The following SIGLEC15 variants were observed in gnomAD, a reference collection of about 807,000 sequenced individuals.
SIGLEC15 encodes sialic acid-binding Ig-like lectin 15.
Under a neutral mutation model 26.2 loss-of-function variants are expected in SIGLEC15, and 31 were observed. The observed-to-expected ratio is 1.18, with a 90% CI of 0.89 to 1.60. The LOEUF is 1.60. Among genes scored for constraint, SIGLEC15 ranks in the 40% most tolerant of loss-of-function variants. The probability of loss-of-function intolerance (pLI) is 0.00; values close to 1 mark genes in which losing one functional copy is unlikely to be tolerated. For missense variants in SIGLEC15, 501 were observed against 488.4 expected (o/e 1.03, Z -0.24); for synonymous variants, 207 against 221.9 (o/e 0.93, Z 0.60).
At chr18:45,835,853 G>C (rs1450910552) in intron 1 of SIGLEC15, among the ~76,000 whole-genome samples, 1 of 152,180 alleles carries the variant, frequency 6.6e-6, no homozygotes, top group Non-Finnish European at 1.5e-5. Context: ...CTACAATGAA[G>C]GAAGAGGACA....
chr18:45,837,527 C>T lies in SIGLEC15; in HGVS notation c.127C>T (p.Arg43Cys). The change falls in exon 3 of 6, where the codon CGC (arginine) becomes TGC (cysteine). Residue 43 changes from arginine to cysteine, a missense_variant. Arg to Cys is a radical substitution (Grantham distance 180, BLOSUM62 -3). Coordinates refer to ENST00000389474, the MANE Select transcript of SIGLEC15 (RefSeq NM_213602.3). ...CCCGCCCTCAGGCTCGCCAGCGCAG[C>T]GCTGGTCCATGCAGGTGCCACCCGA... ...NTEVHSSPAQ[R>C]WSMQVPPEVS... 6.6e-7 allele frequency: 1 copy of T among 1,516,370 alleles called. No individual in the cohort carries two copies. Among genetic ancestry groups the T allele is most frequent in the Non-Finnish European group, 8.8e-7 (1 of 1,139,572 alleles). 93.9% of individuals were successfully genotyped at this position (1,516,370 alleles called of 1,614,324 possible).
chr18:45,833,701 G>T (rs1462952099), intron 1 of SIGLEC15, among the ~76,000 whole-genome samples: 1 of 152,190 alleles, frequency 6.6e-6, no homozygotes, highest in Admixed American at 6.5e-5. Context: ...TTCTCAAAAA[G>T]AGTTTACTGC....
At chr18:45,828,735 C>A (rs917247014) in intron 1 of SIGLEC15, among the ~76,000 whole-genome samples, 62 of 152,236 alleles carry the variant, frequency 4.1e-4, no homozygotes, top group African/African-American at 1.4e-3. Context: ...CCCGCACCCT[C>A]CTGCAGTGGG....
chr18:45,841,445 T>C (rs1461441708), intron 5 of SIGLEC15, among the ~76,000 whole-genome samples: 4 of 151,960 alleles, frequency 2.6e-5, no homozygotes, highest in East Asian at 1.9e-4. Flanking sequence ...GTGGGTGCAA[T>C]GGGAAGTCAC....
At chr18:45,830,993 T>C (rs1271386124) in intron 1 of SIGLEC15, among the ~76,000 whole-genome samples, 1 of 152,194 alleles carries the variant, frequency 6.6e-6, no homozygotes, top group Non-Finnish European at 1.5e-5. Flanking sequence ...AATGTCACCT[T>C]AGTAAACATC....
rs774025905 is a variant in SIGLEC15 at position 45,825,695 on chromosome 18, C to T, written c.-34C>T. On this transcript the variant is annotated 5_prime_UTR_variant, in exon 1 of 6. Coordinates refer to ENST00000389474, the MANE Select transcript of SIGLEC15 (RefSeq NM_213602.3). ...CCCTCACTGGGGAGGTGGCCGAGAG[C>T]GGGTCTGGCCTGGGGTGTTCAGATG... 15 of 1,608,718 alleles carry T rather than the reference C, an allele frequency of 9.3e-6. 1 individual carries two copies. The highest frequency in any genetic ancestry group is 6.6e-5 in the South Asian group (6 of 90,970).
At chr18:45,830,814 G>A (rs1312448992) in intron 1 of SIGLEC15, among the ~76,000 whole-genome samples, 1 of 147,352 alleles carries the variant, frequency 6.8e-6, no homozygotes, top group East Asian at 2.0e-4. Context: ...TGGCCAGGCT[G>A]GTCTTGAATT....
At position 45,840,158 on chromosome 18, in the gene SIGLEC15, G is replaced by A. The variant is rs114831310; in HGVS notation, c.875-53G>A. On this transcript the variant is annotated intron_variant, in intron 4 of 5. Transcript: ENST00000389474. ...GGCATGGGTGGGGGTGGGCGCACAG[G>A]CTGCAGACTGCGGTGGAGATTCATG... 1,159 of 1,604,694 alleles carry A rather than the reference G, an allele frequency of 7.2e-4. 11 individuals carry two copies. The African/African-American group carries it at 0.014, about 19-fold the overall frequency.
At position 45,837,562 on chromosome 18, in the gene SIGLEC15, G is replaced by A; in HGVS notation, c.162G>A (p.Ala54=). ...WSMQVPPEVS[A]EAGDAAVLPC... ...TGCAGGTGCCACCCGAGGTGAGCGC[G>A]GAGGCAGGCGACGCGGCAGTGCTGC... is the stretch of plus-strand genomic sequence containing the variant. The change falls in exon 3 of 6, where the codon GCG becomes GCA. Residue 54 remains alanine, a synonymous_variant. Coordinates refer to ENST00000389474, the MANE Select transcript of SIGLEC15 (RefSeq NM_213602.3). The A allele has an allele frequency of 6.6e-7, 1 of 1,516,302 alleles. No homozygotes were observed. Among genetic ancestry groups the A allele is most frequent in the Non-Finnish European group, 8.8e-7 (1 of 1,139,532 alleles). The allele number at this position is 1,516,302 out of a possible 1,614,324, so 93.9% of individuals were successfully genotyped here.
Position 45,837,865 on chromosome 18 carries a change from G to T in SIGLEC15, c.465G>T (p.Glu155Asp). 6.5e-7 allele frequency: 1 copy of T among 1,533,280 alleles called. No individual in the cohort carries two copies. Among genetic ancestry groups the T allele is most frequent in the South Asian group, 1.2e-5 (1 of 84,016 alleles). The allele number at this position is 1,533,280 out of a possible 1,614,324, so 95.0% of individuals were successfully genotyped here. The change falls in exon 3 of 6, where the codon GAG becomes GAT. Residue 155 changes from glutamate (E) to aspartate (D), a missense_variant. Glu to Asp is a conservative substitution (Grantham distance 45, BLOSUM62 2). Coordinates refer to ENST00000389474, the MANE Select transcript of SIGLEC15 (RefSeq NM_213602.3). ...EFAGDVHDRY[E>D]SRHGVRLHVT... ...CCGGCGACGTCCATGACCGCTACGA[G>T]AGCCGCCACGGCGTCCGGCTGCACG...
In SIGLEC15 at chr18:45,837,832, C is replaced by T. The variant is rs750242523; in HGVS notation, c.432C>T (p.Val144=). 11 of 1,535,632 alleles carry T rather than the reference C, an allele frequency of 7.2e-6. No homozygotes were observed. Among genetic ancestry groups the T allele is most frequent in the Non-Finnish European group, 9.6e-6 (11 of 1,151,476 alleles). ...ACGACCGCCGCTACTTCTGCCGCGT[C>T]GAGTTCGCCGGCGACGTCCATGACC... ...LADDRRYFCR[V]EFAGDVHDRY... The change falls in exon 3 of 6, where the codon GTC becomes GTT. Residue 144 remains valine (V), a synonymous_variant. Transcript: ENST00000389474.
chr18:45,833,785 T>C (rs1188311483), intron 1 of SIGLEC15, among the ~76,000 whole-genome samples: 1 of 152,162 alleles, frequency 6.6e-6, no homozygotes. Flanking sequence ...AAGGTATAGA[T>C]ATATAGGACC....
At chr18:45,831,699 T>A (rs1228136562) in intron 1 of SIGLEC15, among the ~76,000 whole-genome samples, 1 of 151,802 alleles carries the variant, frequency 6.6e-6, no homozygotes, top group Non-Finnish European at 1.5e-5. Flanking sequence ...TGGTCCAACA[T>A]GCTAAATTGA....
At chr18:45,830,753 T>TTC (rs2048228878) in intron 1 of SIGLEC15, among the ~76,000 whole-genome samples, 2 of 12,038 alleles carry the variant, frequency 1.7e-4, no homozygotes, top group South Asian at 4.8e-3. Context: ...GCCAGGCTAA[T>TTC]TTTTTTTTTT....
chr18:45,826,610 TC>T (rs1350066955), intron 1 of SIGLEC15, among the ~76,000 whole-genome samples: 3 of 152,092 alleles, frequency 2.0e-5, no homozygotes, highest in African/African-American at 4.8e-5. Flanking sequence ...CCTTACCCCA[TC>T]CCCATCCTAG....
At chr18:45,835,854 G>C (rs1238803430) in intron 1 of SIGLEC15, among the ~76,000 whole-genome samples, 2 of 152,198 alleles carry the variant, frequency 1.3e-5, no homozygotes, top group African/African-American at 4.8e-5. Flanking sequence ...TACAATGAAG[G>C]AAGAGGACAG....
intron 1 of SIGLEC15, among the ~76,000 whole-genome samples, chr18:45,832,143 C>T (rs967876076): frequency 1.2e-4 from 18 of 152,240 alleles, no homozygotes; most frequent in South Asian, 2.1e-4. Flanking sequence ...GGAGCATTTG[C>T]TGTGTGTGAG....
chr18:45,829,041 G>A, intron 1 of SIGLEC15: 5 of 966,434 alleles, frequency 5.2e-6, no homozygotes, highest in Non-Finnish European at 6.2e-6. Flanking sequence ...AGTGAAGGGA[G>A]CAGGGATCAC....
chr18:45,831,987 C>T (rs1050740069), intron 1 of SIGLEC15, among the ~76,000 whole-genome samples: 2 of 152,254 alleles, frequency 1.3e-5, no homozygotes, highest in Non-Finnish European at 2.9e-5. Flanking sequence ...CTGCCTCGGC[C>T]TCCCAAAGTG....
Sources: allele counts gnomAD v4.1 joint callset (sites outside exome capture counted in the v4.1 genomes callset), GRCh38; gene constraint gnomAD v4.1.1; transcripts MANE v1.5; gene names NCBI Gene and HGNC (gene_info 2026-07-23, HGNC 2026-07-21).